The following DOCK7 variants were observed in gnomAD, a reference collection of about 807,000 sequenced individuals.
DOCK7 encodes the protein dedicator of cytokinesis protein 7.
Under a neutral mutation model 271.0 loss-of-function variants are expected in DOCK7, and 138 were observed. That is an observed-to-expected ratio of 0.51 (90% CI 0.44 to 0.59). The LOEUF (loss-of-function observed/expected upper bound fraction) is 0.59, where lower values mean the gene tolerates loss of function less well. Among genes scored for constraint, DOCK7 ranks in the 20% least tolerant of loss-of-function variants. The probability of loss-of-function intolerance (pLI) is 0.00; values close to 1 mark genes in which losing one functional copy is unlikely to be tolerated. For missense variants in DOCK7, 2,066 were observed against 2,592.4 expected (o/e 0.80, Z 4.41); for synonymous variants, 823 against 876.1 (o/e 0.94, Z 1.07).
intron 44 of DOCK7, 95 bp from the exon 45 acceptor site, chr1:62,476,251 T>G: frequency 1.3e-6 from 1 of 792,738 alleles, no homozygotes; most frequent in Non-Finnish European, 2.0e-6. Flanking sequence ...TTAGGAGAAT[T>G]AGTGAGTTCT....
chr1:62,472,384 C>T (rs777300546), intron 48 of DOCK7, among the ~76,000 whole-genome samples: 4 of 152,066 alleles, frequency 2.6e-5, no homozygotes, highest in Non-Finnish European at 5.9e-5. Flanking sequence ...GAATTACAGG[C>T]GTGAGCCACT....
intron 15 of DOCK7, chr1:62,584,396 T>C: frequency 7.1e-6 from 7 of 989,848 alleles, no homozygotes; most frequent in Non-Finnish European, 7.2e-6. Flanking sequence ...TAGGACCCAT[T>C]TAAACAGCCC....
chr1:62,674,286 T>C (rs1660314596), intron 1 of DOCK7, among the ~76,000 whole-genome samples: 1 of 151,776 alleles, frequency 6.6e-6, no homozygotes, highest in South Asian at 2.1e-4. Flanking sequence ...AAGAGAGAAA[T>C]TAAATAAGAT....
intron 12 of DOCK7, among the ~76,000 whole-genome samples, chr1:62,623,398 T>C (rs1317937866): frequency 6.6e-6 from 1 of 152,214 alleles, no homozygotes; most frequent in East Asian, 1.9e-4. Flanking sequence ...AATCATTTAT[T>C]TTTAAGTTTT....
In DOCK7 at chr1:62,597,441, AACT is replaced by A; in HGVS notation, c.1683-10820_1683-10818del. The A allele has an allele frequency of 3.1e-6, 3 of 954,884 alleles. No individual in the cohort carries two copies. The African/African-American group carries it at 5.0e-5, about 16-fold the overall frequency. 59.2% of individuals were successfully genotyped at this position (954,884 alleles called of 1,614,324 possible). A position where few individuals can be genotyped will look rare whatever the true frequency, so the allele number is the denominator to read the frequency against. On this transcript the variant is annotated intron_variant, in intron 14 of 49. Transcript: ENST00000635253. ...TGCAAGTTAACACGGCTTAATGATTAACTATGTTCACCTACCAACCTTACCTTT... is the reference window on the plus strand; with the variant it reads ...TGCAAGTTAACACGGCTTAATGATTAATGTTCACCTACCAACCTTACCTTT...
intron 48 of DOCK7, among the ~76,000 whole-genome samples, chr1:62,471,408 T>C (rs535847755): frequency 1.3e-5 from 2 of 152,272 alleles, no homozygotes; most frequent in Non-Finnish European, 1.5e-5. Context: ...TTCCCTGTAA[T>C]CCTAGTACTT....
chr1:62,460,428 T>C (rs2149227522), intron 48 of DOCK7, among the ~76,000 whole-genome samples: 1 of 152,162 alleles, frequency 6.6e-6, no homozygotes, highest in East Asian at 1.9e-4. Context: ...ATTTACATTA[T>C]ATATTAGGTA....
At chr1:62,612,552 A>G (rs914520618) in intron 14 of DOCK7, among the ~76,000 whole-genome samples, 1 of 151,846 alleles carries the variant, frequency 6.6e-6, no homozygotes, top group Non-Finnish European at 1.5e-5. Flanking sequence ...AATAAAATTA[A>G]AAAAAAAATT....
chr1:62,596,514 T>C (rs1201304053), intron 14 of DOCK7, among the ~76,000 whole-genome samples: 1 of 152,170 alleles, frequency 6.6e-6, no homozygotes, highest in Admixed American at 6.6e-5. Flanking sequence ...AGAAATATTA[T>C]TAATTGGCTG....
At chr1:62,636,775 A>C (rs1299039712) in intron 7 of DOCK7, among the ~76,000 whole-genome samples, 172 bp from the exon 8 acceptor site, 1 of 152,172 alleles carries the variant, frequency 6.6e-6, no homozygotes, top group African/African-American at 2.4e-5. Flanking sequence ...TATCGTTCAG[A>C]GTCTAAATCA....
At position 62,537,930 on chromosome 1, in the gene DOCK7, A is replaced by C. The variant is rs1557683952; in HGVS notation, c.3432T>G (p.Pro1144=). ...LNLPCSLLTP[P]ASPSPSVSSA... ...AAGAAACAGAAGGTGATGGAGATGC[A>C]GGTGGAGTAAGTAAGCTGCAGGGTA... The change falls in exon 28 of 50, where the codon CCT becomes CCG. Residue 1144 remains proline (P), a synonymous_variant. Transcript: ENST00000635253. 1 of 1,613,974 alleles carries C rather than the reference A, an allele frequency of 6.2e-7. No homozygotes were observed. Among genetic ancestry groups the C allele is most frequent in the Non-Finnish European group, 8.5e-7 (1 of 1,179,908 alleles).
chr1:62,464,091 G>A (rs1276540017), intron 48 of DOCK7, among the ~76,000 whole-genome samples: 5 of 151,784 alleles, frequency 3.3e-5, no homozygotes, highest in Admixed American at 2.0e-4. Context: ...CCGGAGTCTC[G>A]CTCTGTCACC....
At chr1:62,685,343 A>G (rs1407005691) in intron 1 of DOCK7, among the ~76,000 whole-genome samples, 2 of 152,188 alleles carry the variant, frequency 1.3e-5, no homozygotes, top group Non-Finnish European at 2.9e-5. Flanking sequence ...TACTTCCTCT[A>G]ATAGAAAAGT....
At chr1:62,644,958 C>T (rs1656465236) in intron 7 of DOCK7, among the ~76,000 whole-genome samples, 1 of 151,828 alleles carries the variant, frequency 6.6e-6, no homozygotes, top group East Asian at 1.9e-4. Context: ...AAACTTGTAA[C>T]TTTTATTAAT....
At chr1:62,678,821 C>G (rs1021652730) in intron 1 of DOCK7, among the ~76,000 whole-genome samples, 11 of 151,740 alleles carry the variant, frequency 7.2e-5, no homozygotes, top group African/African-American at 2.4e-4. Flanking sequence ...ACAGAGATCC[C>G]AGAAAAAGAC....
At chr1:62,465,167 GT>G (rs1352935207) in intron 48 of DOCK7, among the ~76,000 whole-genome samples, 1 of 152,202 alleles carries the variant, frequency 6.6e-6, no homozygotes, top group Non-Finnish European at 1.5e-5. Flanking sequence ...GAGCTCAAAT[GT>G]ATCTGCTTAA....
At chr1:62,508,167 G>T (rs1031847133) in intron 34 of DOCK7, 109 bp from the exon 35 acceptor site, 2 of 993,860 alleles carry the variant, frequency 2.0e-6, no homozygotes. Context: ...TTCAATATTT[G>T]CCTGATAAAA....
chr1:62,552,640 T>C (rs1645946768), intron 22 of DOCK7, 92 bp downstream of exon 22: 1 of 1,256,668 alleles, frequency 8.0e-7, no homozygotes. Context: ...CTTACATACA[T>C]CTCAAAATTC....
rs1662101049 is a variant in DOCK7, at chr1:62,688,321, G to A, written c.-57C>T. On this transcript the variant is annotated 5_prime_UTR_variant, in exon 1 of 50. Transcript: ENST00000635253. Reference sequence around the variant, plus strand: ...GCTGCGGCGGGCCGGGTGCGGACCGGCGGGCGCGTGCCTCCTCGCTCGTGC... The same window carrying A: ...GCTGCGGCGGGCCGGGTGCGGACCGACGGGCGCGTGCCTCCTCGCTCGTGC... 2.7e-6 allele frequency: 3 copies of A among 1,121,810 alleles called. No homozygotes were observed. The highest frequency in any genetic ancestry group is 3.3e-6 in the Non-Finnish European group (3 of 899,456). The allele number at this position is 1,121,810 out of a possible 1,614,324, so 69.5% of individuals were successfully genotyped here. A position where few individuals can be genotyped will look rare whatever the true frequency, so the allele number is the denominator to read the frequency against.
Sources: allele counts gnomAD v4.1 joint callset (sites outside exome capture counted in the v4.1 genomes callset), GRCh38; gene constraint gnomAD v4.1.1; transcripts MANE v1.5; gene names NCBI Gene and HGNC (gene_info 2026-07-23, HGNC 2026-07-21).